The following TBC1D23 variants were observed in gnomAD, a reference collection of about 807,000 sequenced individuals.
The protein encoded by TBC1D23 is HCV non-structural protein 4A-transactivated protein 1.
A neutral mutation model predicts 91.4 loss-of-function variants in TBC1D23; 55 were observed. The observed-to-expected ratio is 0.60, with a 90% confidence interval of 0.48 to 0.75. The LOEUF is 0.75. Ranked by LOEUF, TBC1D23 falls within the 30% of genes least tolerant of loss-of-function variation. The pLI is 0.00. For synonymous variants in TBC1D23, 289 were observed against 281.0 expected, an observed-to-expected ratio of 1.03 and a Z score of -0.28; for missense variants, 725 against 836.1, an observed-to-expected ratio of 0.87 and a Z score of 1.64.
rs369843490 is a variant in TBC1D23, at chr3:100,283,678, T to C, written c.343T>C (p.Cys115Arg). Residue 115 changes from cysteine (C) to arginine (R), a missense_variant, in exon 4 of 19, where the codon TGT (cysteine) becomes CGT (arginine). Physicochemically the swap from Cys to Arg is radical, Grantham distance 180 (BLOSUM62 -3). Transcript: ENST00000394144. ...TATTGAATCTGTAATTACCTTTTAT[T>C]GTAAATCACGTAACATTAAATATAG... ...LDIESVITFY[C>R]KSRNIKYSTS... 1.2e-5 allele frequency: 19 copies of C among 1,613,552 alleles called. No individual in the cohort carries two copies. Among genetic ancestry groups the C allele is most frequent in the Non-Finnish European group, 1.5e-5 (18 of 1,179,450 alleles).
intron 16 of TBC1D23, among the ~76,000 whole-genome samples, chr3:100,318,794 G>A (rs911302210): frequency 6.6e-6 from 1 of 151,936 alleles, no homozygotes; most frequent in African/African-American, 2.4e-5. Flanking sequence ...GAGATTACAG[G>A]TGTGCACCAC....
At chr3:100,307,345 G>T (rs1408206766) in intron 13 of TBC1D23, among the ~76,000 whole-genome samples, 2 of 152,178 alleles carry the variant, frequency 1.3e-5, no homozygotes, top group Non-Finnish European at 2.9e-5. Context: ...GGGCTTACAG[G>T]TCTGACATAC....
chr3:100,314,217 C>T (rs556183303), intron 15 of TBC1D23, among the ~76,000 whole-genome samples: 10 of 150,476 alleles, frequency 6.6e-5, no homozygotes, highest in Middle Eastern at 3.4e-3. Context: ...TCCTGTCTCG[C>T]CCTCCCAAGT....
chr3:100,300,657 A>G (rs1358457291), intron 10 of TBC1D23, among the ~76,000 whole-genome samples: 1 of 151,858 alleles, frequency 6.6e-6, no homozygotes, highest in Non-Finnish European at 1.5e-5. Context: ...GTGCGCCACC[A>G]TGCCTGGCTA....
At chr3:100,294,959 T>G in intron 5 of TBC1D23, 128 bp from the exon 6 acceptor site, 1 of 914,154 alleles carries the variant, frequency 1.1e-6, no homozygotes, top group Non-Finnish European at 1.6e-6. Flanking sequence ...ACACTAAGAT[T>G]AAGGTACGCA....
intron 15 of TBC1D23, among the ~76,000 whole-genome samples, chr3:100,314,974 G>A: frequency 6.6e-6 from 1 of 152,112 alleles, no homozygotes; most frequent in Admixed American, 6.5e-5. Context: ...TTTCCCCTCA[G>A]AAACATGTAG....
chr3:100,292,166 A>G (rs918095044), intron 5 of TBC1D23, among the ~76,000 whole-genome samples: 2 of 152,200 alleles, frequency 1.3e-5, no homozygotes, highest in South Asian at 2.1e-4. Context: ...TAAATTCTAC[A>G]TATTTGTGTA....
At chr3:100,280,276 A>G (rs1397240159) in intron 2 of TBC1D23, among the ~76,000 whole-genome samples, 1 of 152,212 alleles carries the variant, frequency 6.6e-6, no homozygotes, top group Non-Finnish European at 1.5e-5. Flanking sequence ...TTCTTGAAAC[A>G]AGATACAATC....
At chr3:100,322,434 G>T (rs1171795026) in intron 18 of TBC1D23, among the ~76,000 whole-genome samples, 2 of 152,150 alleles carry the variant, frequency 1.3e-5, no homozygotes, top group African/African-American at 2.4e-5. Context: ...TAGATATTCT[G>T]TTATAAGGAT....
At chr3:100,273,867 A>C (rs2067623578) in intron 1 of TBC1D23, among the ~76,000 whole-genome samples, 1 of 152,216 alleles carries the variant, frequency 6.6e-6, no homozygotes, top group Admixed American at 6.5e-5. Flanking sequence ...AAATCAACTC[A>C]AGATGGAAGC....
chr3:100,320,812 T>C lies in TBC1D23; in HGVS notation c.1859T>C (p.Leu620Ser). 1.9e-6 allele frequency: 3 copies of C among 1,610,038 alleles called. No homozygotes were observed. Among genetic ancestry groups the C allele is most frequent in the Non-Finnish European group, 2.5e-6 (3 of 1,178,698 alleles). ...LLVTATHMYC[L>S]REIVSRKGLA... The stretch of plus-strand genomic sequence containing the variant: ...GTTACTGCAACACATATGTACTGTT[T>C]AAGGGAGATTGTTTCACGGAAAGGA... Residue 620 changes from leucine (L) to serine (S), a missense_variant, in exon 18 of 19, where the codon TTA becomes TCA. Leu to Ser is a moderately radical substitution (Grantham distance 145). Transcript: ENST00000394144.
chr3:100,317,098 A>T (rs1028998959), intron 16 of TBC1D23, among the ~76,000 whole-genome samples: 1 of 149,068 alleles, frequency 6.7e-6, no homozygotes, highest in Non-Finnish European at 1.5e-5. Context: ...AAAAAAAAAA[A>T]TTTAGTCTTT....
intron 5 of TBC1D23, among the ~76,000 whole-genome samples, chr3:100,291,914 G>A (rs1047441226): frequency 8.0e-5 from 12 of 150,732 alleles, no homozygotes; most frequent in Middle Eastern, 3.2e-3. Flanking sequence ...TACAGGTGCC[G>A]GCCACCATGC....
chr3:100,311,901 T>C, intron 15 of TBC1D23, 24 bp downstream of exon 15: 1 of 1,507,512 alleles, frequency 6.6e-7, no homozygotes, highest in South Asian at 1.2e-5. Flanking sequence ...TAGAGCATTT[T>C]TCTTGAACCA....
In TBC1D23 at chr3:100,323,799, TG is replaced by T. The variant is rs1304812863; in HGVS notation, c.*132del. 2 of 338,438 alleles carry T rather than the reference TG, an allele frequency of 5.9e-6. No individual in the cohort carries two copies. Among genetic ancestry groups the T allele is most frequent in the Non-Finnish European group, 1.1e-5 (2 of 187,838 alleles). 21.0% of individuals were successfully genotyped at this position (338,438 alleles called of 1,614,324 possible). On this transcript the variant is annotated 3_prime_UTR_variant, in exon 19 of 19. Coordinates refer to ENST00000394144, the MANE Select transcript of TBC1D23 (RefSeq NM_001199198.3). Reference sequence around the variant, plus strand: ...TGCTTAAATAGCAGGTCTAAGAAAGTGTAAATTATTATAATCAATCTGTGGA... The same window carrying T: ...TGCTTAAATAGCAGGTCTAAGAAAGTTAAATTATTATAATCAATCTGTGGA...
In TBC1D23 at chr3:100,283,703, G is replaced by C. The variant is rs1163604744; in HGVS notation, c.368G>C (p.Ser123Thr). 3 of 1,612,234 alleles carry C rather than the reference G, an allele frequency of 1.9e-6. No individual in the cohort carries two copies. Among genetic ancestry groups the C allele is most frequent in the Non-Finnish European group, 2.5e-6 (3 of 1,178,438 alleles). ...FYCKSRNIKY[S>T]TSLSWIHLLK... is the part of the protein sequence containing the mutation. Reference sequence around the variant, plus strand: ...TGTAAATCACGTAACATTAAATATAGCACATCCCTTAGCTGGATACATCTA... The same window carrying C: ...TGTAAATCACGTAACATTAAATATACCACATCCCTTAGCTGGATACATCTA... Residue 123 changes from serine to threonine, a missense_variant, in exon 4 of 19, where the codon AGC (serine) becomes ACC (threonine). Ser to Thr is a moderately conservative substitution (Grantham distance 58, BLOSUM62 1). Transcript: ENST00000394144.
intron 15 of TBC1D23, among the ~76,000 whole-genome samples, chr3:100,314,637 C>T (rs964681102): frequency 1.3e-5 from 2 of 152,048 alleles, no homozygotes; most frequent in African/African-American, 4.8e-5. Context: ...TAGTGGCACA[C>T]CCCCGTGGTC....
At chr3:100,318,120 C>G (rs184993182) in intron 16 of TBC1D23, among the ~76,000 whole-genome samples, 1 of 151,832 alleles carries the variant, frequency 6.6e-6, no homozygotes, top group African/African-American at 2.4e-5. Flanking sequence ...GGAGGAGATA[C>G]ATGAGAGTTT....
chr3:100,269,026 G>C (rs13079881), intron 1 of TBC1D23, among the ~76,000 whole-genome samples: 37,131 of 151,956 alleles, frequency 0.24, 4,889 homozygotes, highest in East Asian at 0.49. Context: ...TGGTACCATT[G>C]GTGTAATTTG....
Sources: allele counts gnomAD v4.1 joint callset (sites outside exome capture counted in the v4.1 genomes callset), GRCh38; gene constraint gnomAD v4.1.1; transcripts MANE v1.5; gene names NCBI Gene and HGNC (gene_info 2026-07-23, HGNC 2026-07-21).